LIN54: variants seen among roughly 807,000 people sequenced by gnomAD.
The protein encoded by LIN54 is protein lin-54 homolog.
Under a neutral mutation model 78.7 loss-of-function variants are expected in LIN54, and 9 were observed. The ratio of observed to expected loss-of-function variants is 0.11; its 90% confidence interval spans 0.07 to 0.20. LIN54 has a LOEUF of 0.20. Ranked by LOEUF, LIN54 falls within the 10% of genes least tolerant of loss-of-function variation. The pLI is 1.00. For missense variants in LIN54, 573 were observed against 889.9 expected, an observed-to-expected ratio of 0.64 and a Z score of 4.53; for synonymous variants, 269 against 318.4, an observed-to-expected ratio of 0.84 and a Z score of 1.65.
At chr4:82,946,628 T>G (rs190815408) in intron 4 of LIN54, among the ~76,000 whole-genome samples, 154 bp from the exon 5 acceptor site, 10 of 152,320 alleles carry the variant, frequency 6.6e-5, no homozygotes, top group Non-Finnish European at 1.3e-4. Context: ...ATGAAAAGAA[T>G]GGTAATAAAT....
At chr4:82,972,987 C>T (rs1246743793) in intron 3 of LIN54, among the ~76,000 whole-genome samples, 3 of 150,394 alleles carry the variant, frequency 2.0e-5, no homozygotes, top group African/African-American at 7.3e-5. Context: ...ACAGAAAATC[C>T]GCAATTCCTG....
At chr4:82,991,953 G>T (rs569679960) in intron 1 of LIN54, among the ~76,000 whole-genome samples, 40 of 152,136 alleles carry the variant, frequency 2.6e-4, no homozygotes, top group Non-Finnish European at 4.4e-4. Flanking sequence ...TATAGTGTCT[G>T]CCTGGAGATA....
chr4:82,998,348 G>A (rs1327718511), intron 1 of LIN54, among the ~76,000 whole-genome samples: 1 of 152,018 alleles, frequency 6.6e-6, no homozygotes, highest in Non-Finnish European at 1.5e-5. Flanking sequence ...TTCAAGAACG[G>A]CCTGGTCAAC....
intron 1 of LIN54, among the ~76,000 whole-genome samples, chr4:83,008,415 C>T (rs1349051545): frequency 6.6e-6 from 1 of 152,166 alleles, no homozygotes; most frequent in Non-Finnish European, 1.5e-5. Flanking sequence ...CTTTGGGAGG[C>T]CGAGGTGGGT....
At chr4:82,966,621 T>C (rs754785817) in intron 4 of LIN54, among the ~76,000 whole-genome samples, 4 of 152,048 alleles carry the variant, frequency 2.6e-5, no homozygotes, top group Non-Finnish European at 5.9e-5. Flanking sequence ...TAGGTTTTTT[T>C]GGTTTCGTTT....
At chr4:82,938,276 TCAA>T (rs1722551387) in intron 8 of LIN54, 134 bp downstream of exon 8, 2 of 538,360 alleles carry the variant, frequency 3.7e-6, no homozygotes, top group Non-Finnish European at 6.6e-6. Flanking sequence ...TTGAAATATT[TCAA>T]CAAGTATTTT....
intron 4 of LIN54, among the ~76,000 whole-genome samples, chr4:82,968,606 C>T (rs1725408754): frequency 6.6e-6 from 1 of 152,114 alleles, no homozygotes; most frequent in Non-Finnish European, 1.5e-5. Context: ...CCCTGGCCTA[C>T]ACTTTTAAAA....
intron 8 of LIN54, among the ~76,000 whole-genome samples, chr4:82,937,527 G>A (rs2126034418): frequency 6.6e-6 from 1 of 152,254 alleles, no homozygotes; most frequent in South Asian, 2.1e-4. Context: ...AGGTTCAAAG[G>A]CAAGTTGTAA....
chr4:82,975,798 G>T (rs75521616), intron 3 of LIN54, among the ~76,000 whole-genome samples: 2,687 of 151,818 alleles, frequency 0.018, 34 homozygotes, highest in Non-Finnish European at 0.027. Flanking sequence ...AGACAGACAA[G>T]AAAACCAAGA....
intron 1 of LIN54, among the ~76,000 whole-genome samples, chr4:82,998,642 G>C (rs1227313671): frequency 2.0e-5 from 3 of 151,918 alleles, no homozygotes; most frequent in Non-Finnish European, 4.4e-5. Flanking sequence ...GAAAGAAAAA[G>C]AAAGAGAAAG....
intron 2 of LIN54, among the ~76,000 whole-genome samples, chr4:82,980,446 GCT>G: frequency 6.6e-6 from 1 of 152,068 alleles, no homozygotes. Flanking sequence ...ACAAATATTA[GCT>G]CTTTGTGCTC....
intron 5 of LIN54, among the ~76,000 whole-genome samples, chr4:82,945,019 A>C (rs1220625180): frequency 3.9e-5 from 6 of 152,058 alleles, no homozygotes; most frequent in Non-Finnish European, 8.8e-5. Flanking sequence ...GCGCCATCAC[A>C]CCCAGCTAAT....
intron 11 of LIN54, among the ~76,000 whole-genome samples, chr4:82,932,773 C>T (rs371282032): frequency 8.9e-4 from 136 of 151,980 alleles, no homozygotes; most frequent in South Asian, 4.4e-3. Context: ...TGCAGTGAGC[C>T]GCGATCACGC....
intron 5 of LIN54, among the ~76,000 whole-genome samples, chr4:82,940,341 C>CT (rs1722746480): frequency 6.6e-6 from 1 of 152,140 alleles, no homozygotes. Flanking sequence ...CTCTATACTA[C>CT]TATTTCTCAT....
chr4:82,940,071 A>G (rs1447409621), intron 5 of LIN54, 109 bp from the exon 6 acceptor site: 4 of 770,490 alleles, frequency 5.2e-6, no homozygotes, highest in Admixed American at 2.8e-5. Context: ...GAGCTTAAAG[A>G]ATTCCATTTG....
At chr4:82,943,677 G>T (rs964339108) in intron 5 of LIN54, among the ~76,000 whole-genome samples, 3 of 152,016 alleles carry the variant, frequency 2.0e-5, no homozygotes, top group Admixed American at 2.0e-4. Flanking sequence ...ATAGAGTGAG[G>T]TGAAGAAGGC....
At chr4:82,936,159 G>C in intron 10 of LIN54, 41 bp from the exon 11 acceptor site, 1 of 1,610,610 alleles carries the variant, frequency 6.2e-7, no homozygotes, top group Non-Finnish European at 8.5e-7. Context: ...TTAAATCACA[G>C]TAGATGAAAT....
At chr4:82,975,373 T>C (rs1313421140) in intron 3 of LIN54, among the ~76,000 whole-genome samples, 1 of 151,192 alleles carries the variant, frequency 6.6e-6, no homozygotes, top group African/African-American at 2.4e-5. Context: ...TTTTGTGTTA[T>C]GTATATCTTA....
rs960389314 is a variant in LIN54 at position 82,966,837 on chromosome 4, T to A, written c.951+3490A>T. On this transcript the variant is annotated intron_variant, in intron 4 of 12. Coordinates refer to ENST00000340417, the MANE Select transcript of LIN54 (RefSeq NM_194282.4). The stretch of plus-strand genomic sequence containing the variant: ...GTTAGCCAGGCTGGTCTCGAACTCC[T>A]GTCTCAGGTGATCTGCCCACCTCAA... Among the ~76,000 whole-genome samples, 139 of 152,204 alleles carry A rather than the reference T, an allele frequency of 9.1e-4. 1 individual carries two copies. The highest frequency in any genetic ancestry group is 3.4e-3 in the Middle Eastern group (1 of 294).
Sources: allele counts gnomAD v4.1 joint callset (sites outside exome capture counted in the v4.1 genomes callset), GRCh38; gene constraint gnomAD v4.1.1; transcripts MANE v1.5; gene names NCBI Gene and HGNC (gene_info 2026-07-23, HGNC 2026-07-21).